The following SEPTIN8 variants were observed in gnomAD, a reference collection of about 807,000 sequenced individuals.
The protein encoded by SEPTIN8 is septin 8, also known as septin-8.
Under a neutral mutation model 53.1 loss-of-function variants are expected in SEPTIN8, and 22 were observed. The observed-to-expected ratio is 0.41, with a 90% CI of 0.30 to 0.59. The LOEUF (loss-of-function observed/expected upper bound fraction) is 0.59, where lower values mean the gene tolerates loss of function less well. Among genes scored for constraint, SEPTIN8 ranks in the 20% least tolerant of loss-of-function variants. The pLI, the probability that SEPTIN8 is intolerant of heterozygous loss-of-function variation, is 0.24. For synonymous variants in SEPTIN8, 228 were observed against 248.4 expected, an observed-to-expected ratio of 0.92 and a Z score of 0.77; for missense variants, 536 against 638.7, an observed-to-expected ratio of 0.84 and a Z score of 1.73.
chr5:132,769,982 CATATAT>C (rs1164726534), intron 1 of SEPTIN8, among the ~76,000 whole-genome samples: 6,065 of 55,022 alleles, frequency 0.11, 270 homozygotes, highest in Non-Finnish European at 0.15. Context: ...TCTATATATA[CATATAT>C]ATATATATAT....
Position 132,761,389 on chromosome 5 carries a change from G to C in SEPTIN8, c.962+69C>G, listed in dbSNP as rs1317595691. 1 of 1,585,996 alleles carries C rather than the reference G, an allele frequency of 6.3e-7. No homozygotes were observed. Among genetic ancestry groups the C allele is most frequent in the African/African-American group, 1.3e-5 (1 of 74,566 alleles). ...GTAAGAGGATGTGGGGTCCCTCAGG[G>C]AACAGATGCCAGGGTGGTGTGTCTG... On this transcript the variant is annotated intron_variant, in intron 7 of 9. Transcript: ENST00000378719. This position sits in a 1 kb window ranked among gnomAD's most constrained non-coding sequence, Gnocchi z 5.8.
intron 9 of SEPTIN8, chr5:132,756,824 A>G (rs1003139640): frequency 2.0e-6 from 2 of 985,362 alleles, no homozygotes; most frequent in Non-Finnish European, 2.4e-6. Context: ...CGAATGGCCA[A>G]GTCTGCATAC....
intron 1 of SEPTIN8, among the ~76,000 whole-genome samples, chr5:132,768,725 A>T (rs1756884408): frequency 6.6e-6 from 1 of 152,192 alleles, no homozygotes; most frequent in Non-Finnish European, 1.5e-5. Flanking sequence ...CAGGCAAGTG[A>T]CGCAGGTTGA....
At chr5:132,762,786 C>T in intron 4 of SEPTIN8, 141 bp from the exon 5 acceptor site, 1 of 867,214 alleles carries the variant, frequency 1.2e-6, no homozygotes, top group South Asian at 1.6e-5. Context: ...GGAGCCACTC[C>T]CACGGGCAGC....
At chr5:132,757,774 T>C in intron 9 of SEPTIN8, 1 of 985,480 alleles carries the variant, frequency 1.0e-6, no homozygotes, top group South Asian at 4.7e-5. Context: ...TTCCTTAAAA[T>C]GTTCCCCTTT....
At chr5:132,752,945 A>T (rs1316823301) in intron 9 of SEPTIN8, 2 of 1,613,990 alleles carry the variant, frequency 1.2e-6, no homozygotes, top group Non-Finnish European at 1.7e-6. Context: ...TCCTGCACAG[A>T]CAACTTTGTG....
intron 1 of SEPTIN8, among the ~76,000 whole-genome samples, chr5:132,769,569 G>A (rs933021532): frequency 7.9e-5 from 12 of 152,048 alleles, no homozygotes; most frequent in African/African-American, 7.2e-5. Context: ...CTTGCTTTGC[G>A]CAACCCTAAT....
At chr5:132,753,506 T>C (rs923540815) in intron 9 of SEPTIN8, 2 of 155,230 alleles carry the variant, frequency 1.3e-5, no homozygotes, top group African/African-American at 4.8e-5. Flanking sequence ...TCTCTGCAGA[T>C]GCATTTACCC....
chr5:132,777,772 G>A (rs1041346544), upstream of SEPTIN8: 82 of 985,346 alleles, frequency 8.3e-5, no homozygotes, highest in Non-Finnish European at 9.4e-5. The surrounding 1 kb of genome is among the most constrained non-coding windows in gnomAD (Gnocchi z 4.1). Flanking sequence ...TGCTCCGGCC[G>A]GAGCTAAGGC....
upstream of SEPTIN8, chr5:132,777,979 C>G: frequency 1.0e-6 from 1 of 985,464 alleles, no homozygotes; most frequent in Admixed American, 6.1e-5. The surrounding 1 kb of genome is among the most constrained non-coding windows in gnomAD (Gnocchi z 4.1). Flanking sequence ...CTTGGGACAA[C>G]GTCTTAATGG....
intron 9 of SEPTIN8, chr5:132,759,053 G>A (rs1755630540): frequency 2.9e-6 from 2 of 686,278 alleles, no homozygotes; most frequent in African/African-American, 3.5e-5. Context: ...CAAATTTAAA[G>A]AGTATGCATA....
Position 132,769,982 on chromosome 5 carries a change from CATATATATATATATATATATATAT to C in SEPTIN8, c.31-4477_31-4454del, listed in dbSNP as rs1164726534. On this transcript the variant is annotated intron_variant, in intron 1 of 9. Coordinates refer to ENST00000378719, the MANE Select transcript of SEPTIN8 (RefSeq NM_001098811.2). Reference sequence around the variant, plus strand: ...ACCCAAAAATCTCTCTCTATATATACATATATATATATATATATATATATATATATATATATATATACACACACA... The same window carrying C: ...ACCCAAAAATCTCTCTCTATATATACATATATATATATATATACACACACA... Among the ~76,000 whole-genome samples the C allele has an allele frequency of 2.3e-3, 128 of 55,338 alleles. 3 individuals carry two copies. Among genetic ancestry groups the C allele is most frequent in the African/African-American group, 7.5e-3 (126 of 16,694 alleles). The allele number at this position is 55,338 out of a possible 152,430, so 36.3% of individuals were successfully genotyped here. A position where few individuals can be genotyped will look rare whatever the true frequency, so the allele number is the denominator to read the frequency against.
At chr5:132,756,345 C>T (rs759834903) in intron 9 of SEPTIN8, 11 of 979,180 alleles carry the variant, frequency 1.1e-5, no homozygotes, top group Admixed American at 6.2e-5. Flanking sequence ...TAATAGCATC[C>T]CCTTTCTCTC....
intron 9 of SEPTIN8, chr5:132,753,166 G>A (rs1755011027): frequency 1.7e-6 from 1 of 598,720 alleles, no homozygotes; most frequent in African/African-American, 1.9e-5. Context: ...GAGGTCAGTA[G>A]AGGTCAGGGT....
In SEPTIN8 at chr5:132,761,216, G is replaced by A; in HGVS notation, c.1012C>T (p.Gln338Ter). The A allele has an allele frequency of 6.2e-7, 1 of 1,614,126 alleles. No homozygotes were observed. The highest frequency in any genetic ancestry group is 8.5e-7 in the Non-Finnish European group (1 of 1,180,048). The change falls in exon 8 of 10, where the codon CAG becomes TAG. Residue 338 changes from glutamine to a stop codon, truncating the protein, a stop_gained. Coordinates refer to ENST00000378719, the MANE Select transcript of SEPTIN8 (RefSeq NM_001098811.2). LOFTEE classifies it high-confidence loss of function. This position sits in a 1 kb window ranked among gnomAD's most constrained non-coding sequence, Gnocchi z 5.8. ...AKRKEFLSEL[Q>*]RKEEEMRQMF... ...TGCCTCATCTCTTCCTCCTTCCTCT[G>A]CAGCTCACTTAGGAACTCCTTCCTC...
upstream of SEPTIN8, among the ~76,000 whole-genome samples, chr5:132,779,649 C>T (rs562919284): frequency 6.6e-6 from 1 of 152,278 alleles, no homozygotes; most frequent in East Asian, 1.9e-4. Context: ...GTCAAGTGTA[C>T]TTGTTATTTT....
Position 132,757,817 on chromosome 5 carries a change from G to A in SEPTIN8, c.1286+2985C>T, listed in dbSNP as rs116635281. ...AGCTGAAGGGGAAAGCTCCTTTGCCGCTCATTTTTCCCTAATTGTCTATAT... is the reference window on the plus strand; with the variant it reads ...AGCTGAAGGGGAAAGCTCCTTTGCCACTCATTTTTCCCTAATTGTCTATAT... On this transcript the variant is annotated intron_variant, in intron 9 of 9. Coordinates refer to ENST00000378719, the MANE Select transcript of SEPTIN8 (RefSeq NM_001098811.2). 309 of 985,370 alleles carry A rather than the reference G, an allele frequency of 3.1e-4. 1 individual carries two copies. The African/African-American group carries it at 5.0e-3, about 16-fold the overall frequency. The allele number at this position is 985,370 out of a possible 1,614,324, so 61.0% of individuals were successfully genotyped here.
intron 1 of SEPTIN8, among the ~76,000 whole-genome samples, chr5:132,771,496 A>G (rs1561771123): frequency 6.6e-6 from 1 of 152,114 alleles, no homozygotes; most frequent in Non-Finnish European, 1.5e-5. Flanking sequence ...TCCCATGCCT[A>G]GCACCCACTC....
At chr5:132,753,770 C>T (rs2149945884) in intron 9 of SEPTIN8, 1 of 152,508 alleles carries the variant, frequency 6.6e-6, no homozygotes, top group East Asian at 1.9e-4. Context: ...CCTGCTCCAA[C>T]CACAGTGCTG....
Sources: gnomAD v4.1 joint callset for allele counts (sites outside exome capture counted in the v4.1 genomes callset) on GRCh38, gnomAD v4.1.1 for gene constraint, Gnocchi (gnomAD v3.1) non-coding constraint, MANE v1.5 for transcripts, NCBI Gene and HGNC (gene_info 2026-07-23, HGNC 2026-07-21) for gene names.